Variants in ABCB6 observed in about 807,000 individuals in gnomAD.
The protein encoded by ABCB6 is ATP-binding cassette sub-family B member 6.
In ABCB6, 87 loss-of-function variants were observed where a neutral mutation model predicts 99.4. The ratio of observed to expected loss-of-function variants is 0.88; its 90% CI spans 0.74 to 1.05. The LOEUF (loss-of-function observed/expected upper bound fraction) is 1.05, where lower values mean the gene tolerates loss of function less well. ABCB6 is among the 50% of genes least tolerant of loss of function. ABCB6 has a pLI of 0.00. For missense variants in ABCB6, 1,050 were observed against 1,097.9 expected, an observed-to-expected ratio of 0.96 and a Z score of 0.62; for synonymous variants, 482 against 447.5, an observed-to-expected ratio of 1.08 and a Z score of -0.97.
intron 5 of ABCB6, 125 bp from the exon 6 acceptor site, chr2:219,215,207 TA>T (rs903441464): frequency 8.1e-7 from 1 of 1,230,350 alleles, no homozygotes; most frequent in African/African-American, 1.5e-5. Flanking sequence ...TAATTAATTC[TA>T]CCCTCAAGAG....
chr2:219,210,821 A>G lies in ABCB6; in HGVS notation c.2146T>C (p.Tyr716His). The stretch of plus-strand genomic sequence containing the variant: ...CCCCGCTCGCCCACCTGTGTCCTGT[A>G]CCCTGTGGATATTACCCACCACACG... The part of the protein sequence containing the change: ...HDAIMAFPEG[Y>H]RTQVGERGLK... The change falls in exon 16 of 19, where the codon TAC becomes CAC. Residue 716 changes from tyrosine (Y) to histidine (H), a missense_variant and splice_region_variant. Coordinates refer to ENST00000265316, the MANE Select transcript of ABCB6 (RefSeq NM_005689.4). 1 of 1,613,774 alleles carries G rather than the reference A, an allele frequency of 6.2e-7. No individual in the cohort carries two copies. Among genetic ancestry groups the G allele is most frequent in the Non-Finnish European group, 8.5e-7 (1 of 1,179,918 alleles).
intron 13 of ABCB6, among the ~76,000 whole-genome samples, 166 bp downstream of exon 13, chr2:219,212,842 G>T (rs533894946): frequency 6.6e-6 from 1 of 152,160 alleles, no homozygotes; most frequent in Non-Finnish European, 1.5e-5. Flanking sequence ...GGCTTTTGAG[G>T]TTCCCTCTCC....
At chr2:219,215,774 G>A (rs1950631366) in intron 5 of ABCB6, 4 of 449,360 alleles carry the variant, frequency 8.9e-6, no homozygotes, top group Non-Finnish European at 1.5e-5. Context: ...ACTAAACAGA[G>A]TGGGAAGCTC....
At chr2:219,217,188 A>G (rs1477642440) in intron 2 of ABCB6, among the ~76,000 whole-genome samples, 1 of 151,964 alleles carries the variant, frequency 6.6e-6, no homozygotes, top group Non-Finnish European at 1.5e-5. Flanking sequence ...GTGAAACCCC[A>G]TCTCCACTAA....
intron 6 of ABCB6, 159 bp from the exon 7 acceptor site, chr2:219,214,657 CAT>C (rs1299493699): frequency 2.5e-5 from 16 of 652,516 alleles, no homozygotes; most frequent in Non-Finnish European, 3.7e-5. Flanking sequence ...CACAAAGTCT[CAT>C]GTGTAGAAAA....
Position 219,218,500 on chromosome 2 carries a change from A to C in ABCB6, c.174T>G (p.Gly58=), listed in dbSNP as rs1287885154. Residue 58 remains glycine (G), a synonymous_variant, in exon 1 of 19, where the codon GGT becomes GGG. Coordinates refer to ENST00000265316, the MANE Select transcript of ABCB6 (RefSeq NM_005689.4). ...CGGCCCCCCAAGACAGCGAATCAGCACCAGCGGGCCGCTCCCGGCGTCTGC... is the reference window on the plus strand; with the variant it reads ...CGGCCCCCCAAGACAGCGAATCAGCCCCAGCGGGCCGCTCCCGGCGTCTGC... ...LPCRRRERPA[G]ADSLSWGAGP... 1.2e-6 allele frequency: 2 copies of C among 1,608,922 alleles called. No individual in the cohort carries two copies. Among genetic ancestry groups the C allele is most frequent in the African/African-American group, 2.7e-5 (2 of 74,914 alleles).
chr2:219,211,850 G>T (rs1479387829), intron 14 of ABCB6, among the ~76,000 whole-genome samples: 1 of 149,208 alleles, frequency 6.7e-6, no homozygotes, highest in African/African-American at 2.5e-5. Context: ...TGCAAGCTCC[G>T]CCTCCTGGGT....
intron 7 of ABCB6, 76 bp from the exon 8 acceptor site, chr2:219,214,262 C>A: frequency 6.5e-7 from 1 of 1,533,224 alleles, no homozygotes; most frequent in African/African-American, 1.4e-5. Flanking sequence ...AACTCTCAAT[C>A]CTCCTTCCTG....
chr2:219,216,229 G>T lies in ABCB6; in HGVS notation c.971-49C>A, dbSNP rs769781617. The stretch of plus-strand genomic sequence containing the variant: ...CAGTAGGGCCTGGGAGCTGAGGGAC[G>T]TCAGCCCAGCACCAGGATGTGAAAG... On this transcript the variant is annotated intron_variant, in intron 4 of 18. Transcript: ENST00000265316. The surrounding 1 kb of genome is among the most constrained non-coding windows in gnomAD (Gnocchi z 4.2). 6.4e-7 allele frequency: 1 copy of T among 1,565,672 alleles called. No individual in the cohort carries two copies. Among genetic ancestry groups the T allele is most frequent in the Non-Finnish European group, 8.7e-7 (1 of 1,151,142 alleles).
At chr2:219,213,778 G>A (rs1437136546) in intron 9 of ABCB6, 48 bp downstream of exon 9, 9 of 1,613,616 alleles carry the variant, frequency 5.6e-6, no homozygotes, top group Non-Finnish European at 5.9e-6. Context: ...CAGGCCTCAG[G>A]CCCCCTTTTC....
At position 219,218,573 on chromosome 2, in the gene ABCB6, G is replaced by C; in HGVS notation, c.101C>G (p.Ser34Trp). ...CAGAGTCCCCAGAGCCATCCGCGTC[G>C]AGGGCACGAGCGTGAAGAAGAAGCA... is the stretch of plus-strand genomic sequence containing the variant. ...SPCFFFTLVP[S>W]TRMALGTLAL... Residue 34 changes from serine (S) to tryptophan (W), a missense_variant, in exon 1 of 19, where the codon TCG becomes TGG. By Grantham distance (177) the Ser-to-Trp change is radical. Coordinates refer to ENST00000265316, the MANE Select transcript of ABCB6 (RefSeq NM_005689.4). The C allele has an allele frequency of 6.2e-7, 1 of 1,612,652 alleles. No individual in the cohort carries two copies. Among genetic ancestry groups the C allele is most frequent in the Non-Finnish European group, 8.5e-7 (1 of 1,179,704 alleles).
At chr2:219,218,011 C>G in intron 1 of ABCB6, 114 bp downstream of exon 1, 1 of 1,415,742 alleles carries the variant, frequency 7.1e-7, no homozygotes, top group Non-Finnish European at 9.4e-7. Flanking sequence ...CAGCCCCTCC[C>G]TTCTCCCTTT....
At position 219,216,042 on chromosome 2, in the gene ABCB6, AGCACCTCCCCTGT is replaced by A; in HGVS notation, c.1096_1108del (p.Thr366CysfsTer52). ...GGATGTGCCCCGATCCGCGATCCGC[AGCACCTCCCCTGT>A]GCGGCGCCCCAGGTGCCAGCGCAGT... On this transcript the variant is annotated frameshift_variant, in exon 5 of 19. Coordinates refer to ENST00000265316, the MANE Select transcript of ABCB6 (RefSeq NM_005689.4). LOFTEE classifies it high-confidence loss of function. The surrounding 1 kb of genome is among the most constrained non-coding windows in gnomAD (Gnocchi z 4.2). 6.2e-7 allele frequency: 1 copy of A among 1,605,432 alleles called. No homozygotes were observed. Among genetic ancestry groups the A allele is most frequent in the Non-Finnish European group, 8.5e-7 (1 of 1,175,276 alleles).
chr2:219,214,726 C>T (rs1227749706), intron 6 of ABCB6: 1 of 632,516 alleles, frequency 1.6e-6, no homozygotes, highest in East Asian at 2.7e-5. Flanking sequence ...GCTTCCTTGA[C>T]CTGTGTCCAC....
chr2:219,214,572 A>G (rs1171843518), intron 6 of ABCB6, 74 bp from the exon 7 acceptor site: 3 of 1,101,558 alleles, frequency 2.7e-6, no homozygotes, highest in Admixed American at 1.7e-5. Context: ...AATGTCCACT[A>G]CCTGCCATGT....
intron 14 of ABCB6, among the ~76,000 whole-genome samples, chr2:219,211,621 C>CTTTTTTTTTTTT (rs34408255): frequency 2.3e-4 from 20 of 87,824 alleles, no homozygotes; most frequent in African/African-American, 5.7e-4. Flanking sequence ...ATCGTTGTAC[C>CTTTTTTTTTTTT]TTTTTTTTTT....
chr2:219,215,049 G>A lies in ABCB6; in HGVS notation c.1188C>T (p.Ala396=), dbSNP rs1477773416. Residue 396 remains alanine, a synonymous_variant, in exon 6 of 19, where the codon GCC becomes GCT. Coordinates refer to ENST00000265316, the MANE Select transcript of ABCB6 (RefSeq NM_005689.4). Reference sequence around the variant, plus strand: ...AGTAGATGATGCCAATGATGATGTCGGCCAGCGTGGGGATGACATTGAACA... The same window carrying A: ...AGTAGATGATGCCAATGATGATGTCAGCCAGCGTGGGGATGACATTGAACA... ...YLVFNVIPTL[A]DIIIGIIYFS... 3.7e-6 allele frequency: 6 copies of A among 1,614,124 alleles called. No homozygotes were observed. Among genetic ancestry groups the A allele is most frequent in the South Asian group, 3.3e-5 (3 of 91,086 alleles).
chr2:219,211,621 CTTTTTTTTT>C (rs34408255), intron 14 of ABCB6, among the ~76,000 whole-genome samples: 22 of 87,846 alleles, frequency 2.5e-4, no homozygotes, highest in African/African-American at 9.0e-4. Context: ...ATCGTTGTAC[CTTTTTTTTT>C]TTTTTTTTTT....
rs781020794 is a variant in ABCB6 at position 219,213,504 on chromosome 2, T to G, written c.1656-2A>C. 1.9e-6 allele frequency: 3 copies of G among 1,614,228 alleles called. No individual in the cohort carries two copies. Among genetic ancestry groups the G allele is most frequent in the Non-Finnish European group, 2.5e-6 (3 of 1,180,046 alleles). ...TCAATGAAGTTGGTCTGGATCATCCTGCAAAAAGGTGCTGGTTAGGACTTC... is the reference window on the plus strand; with the variant it reads ...TCAATGAAGTTGGTCTGGATCATCCGGCAAAAAGGTGCTGGTTAGGACTTC... On this transcript the variant is annotated splice_acceptor_variant, in intron 10 of 18. Transcript: ENST00000265316. LOFTEE classifies it high-confidence loss of function.
Sources: allele counts gnomAD v4.1 joint callset (sites outside exome capture counted in the v4.1 genomes callset), GRCh38; gene constraint gnomAD v4.1.1; non-coding constraint Gnocchi (gnomAD v3.1); transcripts MANE v1.5; gene names NCBI Gene and HGNC (gene_info 2026-07-23, HGNC 2026-07-21).